Variants in CCDC141 observed in about 807,000 individuals in gnomAD.
CCDC141 encodes the protein coiled-coil domain-containing protein 141.
A neutral mutation model predicts 181.0 loss-of-function variants in CCDC141; 168 were observed. The ratio of observed to expected loss-of-function variants is 0.93; its 90% CI spans 0.82 to 1.05. The LOEUF (loss-of-function observed/expected upper bound fraction) is 1.05. CCDC141 is among the 50% of genes least tolerant of loss of function. The pLI, the probability that CCDC141 is intolerant of heterozygous loss-of-function variation, is 0.00. For synonymous variants in CCDC141, 666 were observed against 642.3 expected (o/e 1.04, Z -0.56); for missense variants, 1,902 against 1,788.5 (o/e 1.06, Z -1.14).
chr2:178,958,736 G>T lies in CCDC141; in HGVS notation c.780+2494C>A, dbSNP rs1404258144. 4.6e-5 allele frequency among the ~76,000 whole-genome samples: 7 copies of T among 151,864 alleles called. No individual in the cohort carries two copies. In the East Asian group the frequency reaches 1.4e-3, roughly 29 times the overall value. ...CCTTTTTTTTGTTTTTTTTACTACA[G>T]AGGATTCAAGTGGATGATTACCGCT... On this transcript the variant is annotated intron_variant, in intron 5 of 23. Transcript: ENST00000443758.
chr2:178,835,204 G>A (rs1684430054), intron 23 of CCDC141, among the ~76,000 whole-genome samples: 1 of 152,094 alleles, frequency 6.6e-6, no homozygotes. Context: ...TCATACCACA[G>A]TATCCACAGG....
intron 2 of CCDC141, among the ~76,000 whole-genome samples, chr2:178,994,762 T>C (rs1692206779): frequency 6.6e-6 from 1 of 152,336 alleles, no homozygotes; most frequent in African/African-American, 2.4e-5. Context: ...CAGTCACCTC[T>C]TGAATGCTTT....
rs75396111 is a variant in CCDC141, at chr2:178,917,308, T to C, written c.1092+1405A>G. On this transcript the variant is annotated intron_variant, in intron 7 of 23. Coordinates refer to ENST00000443758, the MANE Select transcript of CCDC141 (RefSeq NM_173648.4). ...AATTAGTTCAATAGCTCCAGTAATA[T>C]GGTATATCTGTTTCCTCTCTTAAAG... is the stretch of plus-strand genomic sequence containing the variant. Among the ~76,000 whole-genome samples, 513 of 152,342 alleles carry C rather than the reference T, an allele frequency of 3.4e-3. 4 individuals carry two copies. The highest frequency in any genetic ancestry group is 0.012 in the African/African-American group (486 of 41,588).
intron 5 of CCDC141, among the ~76,000 whole-genome samples, chr2:178,953,175 G>A (rs1049765480): frequency 2.6e-5 from 4 of 152,160 alleles, no homozygotes; most frequent in East Asian, 1.9e-4. Flanking sequence ...GGTGGCTCAC[G>A]CCTATAATCC....
intron 2 of CCDC141, among the ~76,000 whole-genome samples, chr2:179,015,376 T>C (rs116356743): frequency 0.033 from 3,025 of 91,900 alleles, 56 homozygotes; most frequent in Middle Eastern, 0.083. Flanking sequence ...ATGTATCATA[T>C]ATATCTCATA....
At chr2:178,950,342 T>C (rs1468442390) in intron 5 of CCDC141, among the ~76,000 whole-genome samples, 1 of 152,220 alleles carries the variant, frequency 6.6e-6, no homozygotes, top group Non-Finnish European at 1.5e-5. Context: ...GGTTTTTTTT[T>C]CTTTTTTTAC....
intron 6 of CCDC141, among the ~76,000 whole-genome samples, chr2:178,934,274 G>T (rs1179016830): frequency 6.6e-6 from 1 of 152,110 alleles, no homozygotes; most frequent in Non-Finnish European, 1.5e-5. Context: ...TATTTCTGAT[G>T]TGTAAGAGAA....
At chr2:179,030,732 T>G (rs2042978005) in intron 2 of CCDC141, among the ~76,000 whole-genome samples, 2 of 152,068 alleles carry the variant, frequency 1.3e-5, no homozygotes, top group Non-Finnish European at 2.9e-5. Context: ...CATACCTATT[T>G]TTGAAAATAT....
intron 19 of CCDC141, among the ~76,000 whole-genome samples, chr2:178,853,943 A>G (rs1250715498): frequency 6.6e-6 from 1 of 152,244 alleles, no homozygotes; most frequent in Non-Finnish European, 1.5e-5. Context: ...TTGCAGACTT[A>G]TAAGAACAGG....
intron 22 of CCDC141, among the ~76,000 whole-genome samples, chr2:178,842,949 C>T (rs557407905): frequency 6.6e-5 from 10 of 151,832 alleles, no homozygotes; most frequent in African/African-American, 1.9e-4. Flanking sequence ...CTGTACCTGC[C>T]GGGTGATCAG....
intron 2 of CCDC141, among the ~76,000 whole-genome samples, chr2:178,998,200 T>A (rs1237288212): frequency 6.6e-6 from 1 of 152,220 alleles, no homozygotes; most frequent in Non-Finnish European, 1.5e-5. Context: ...TAGAAAGTAC[T>A]TCACTAGAAT....
At chr2:178,900,761 C>T (rs943912968) in intron 8 of CCDC141, among the ~76,000 whole-genome samples, 1 of 152,088 alleles carries the variant, frequency 6.6e-6, no homozygotes, top group Admixed American at 6.6e-5. Flanking sequence ...TCCAGGAGTT[C>T]AGCATCAAAA....
At chr2:178,984,721 G>A (rs1460146514) in intron 2 of CCDC141, among the ~76,000 whole-genome samples, 1 of 150,464 alleles carries the variant, frequency 6.6e-6, no homozygotes, top group Non-Finnish European at 1.5e-5. Context: ...GACAAAGAAG[G>A]CCATTACATA....
chr2:178,845,844 C>T, intron 21 of CCDC141, 102 bp from the exon 22 acceptor site: 2 of 745,176 alleles, frequency 2.7e-6, no homozygotes, highest in Non-Finnish European at 4.9e-6. Flanking sequence ...TGCAACCTTT[C>T]AGCAAATATA....
chr2:179,014,441 A>G (rs564194622), intron 2 of CCDC141, among the ~76,000 whole-genome samples: 1 of 152,322 alleles, frequency 6.6e-6, no homozygotes, highest in South Asian at 2.1e-4. Context: ...GAAACTTAAG[A>G]GCTTTTGCAC....
chr2:178,980,133 T>A (rs1217273852), intron 2 of CCDC141, among the ~76,000 whole-genome samples: 1 of 152,130 alleles, frequency 6.6e-6, no homozygotes, highest in Non-Finnish European at 1.5e-5. Context: ...TTAAAACAGC[T>A]GAAAGATGTC....
intron 2 of CCDC141, among the ~76,000 whole-genome samples, chr2:179,027,687 C>G (rs893581790): frequency 5.3e-5 from 7 of 131,264 alleles, no homozygotes; most frequent in African/African-American, 9.5e-5. Flanking sequence ...AAAAAGTTTC[C>G]CTGCACAAGC....
chr2:178,817,440 C>G, the CCDC141 span: 1 of 465,864 alleles, frequency 2.1e-6, no homozygotes, highest in Non-Finnish European at 4.4e-6. Flanking sequence ...GACTCATGCT[C>G]TTTTTCTGTG....
At chr2:178,908,691 C>G (rs1688090039) in intron 7 of CCDC141, among the ~76,000 whole-genome samples, 1 of 152,156 alleles carries the variant, frequency 6.6e-6, no homozygotes, top group South Asian at 2.1e-4. Context: ...AATGTCACAG[C>G]CTTCTTGCCT....
Sources: gnomAD v4.1 joint callset for allele counts (sites outside exome capture counted in the v4.1 genomes callset) on GRCh38, gnomAD v4.1.1 for gene constraint, MANE v1.5 for transcripts, NCBI Gene and HGNC (gene_info 2026-07-23, HGNC 2026-07-21) for gene names.